Variants in FBXW11 observed in about 807,000 individuals in gnomAD.
The protein encoded by FBXW11 is F-box and WD repeat domain containing 11, also known as F-box/WD repeat-containing protein 11.
FBXW11 carries 19 observed loss-of-function variants against 77.6 expected under a neutral mutation model. That is an observed-to-expected ratio of 0.24 (90% CI 0.17 to 0.36). The LOEUF is 0.36. FBXW11 is among the 10% of genes least tolerant of loss of function. The pLI is 1.00. For missense variants in FBXW11, 334 were observed against 704.2 expected, an observed-to-expected ratio of 0.47 and a Z score of 5.95; for synonymous variants, 235 against 249.4, an observed-to-expected ratio of 0.94 and a Z score of 0.54.
At chr5:171,933,980 G>T (rs752015642) in intron 2 of FBXW11, among the ~76,000 whole-genome samples, 1 of 152,230 alleles carries the variant, frequency 6.6e-6, no homozygotes, top group African/African-American at 2.4e-5. Context: ...CTTAACTAAG[G>T]TTCTGTGAGA....
chr5:171,979,741 G>T (rs1042227900), intron 1 of FBXW11, among the ~76,000 whole-genome samples: 2 of 152,132 alleles, frequency 1.3e-5, no homozygotes, highest in Non-Finnish European at 2.9e-5. Flanking sequence ...AATGGCACTT[G>T]AACATAAATT....
At chr5:171,987,808 C>A (rs1483566641) in intron 1 of FBXW11, among the ~76,000 whole-genome samples, 1 of 152,092 alleles carries the variant, frequency 6.6e-6, no homozygotes, top group Non-Finnish European at 1.5e-5. Flanking sequence ...CTAACTCCTA[C>A]AACACTGTTT....
rs1172545281 is a variant in FBXW11, at chr5:171,913,822, C to CACACACACACACACAT, written c.210+520_210+521insATGTGTGTGTGTGTGT. Reference sequence around the variant, plus strand: ...AAACCCCCAACCACACACACATACACACACACACACACACACACACACACA... The same window carrying CACACACACACACACAT: ...AAACCCCCAACCACACACACATACACACACACACACACACATACACACACACACACACACACACACA... On this transcript the variant is annotated intron_variant, in intron 3 of 13. Transcript: ENST00000517395. Among the ~76,000 whole-genome samples the CACACACACACACACAT allele has an allele frequency of 1.0e-3, 97 of 93,696 alleles. 5 individuals carry two copies. Among genetic ancestry groups the CACACACACACACACAT allele is most frequent in the East Asian group, 6.6e-3 (23 of 3,496 alleles). The allele number at this position is 93,696 out of a possible 152,430, so 61.5% of individuals were successfully genotyped here. A position where few individuals can be genotyped will look rare whatever the true frequency, so the allele number is the denominator to read the frequency against.
chr5:171,871,651 A>G (rs1757759957), intron 10 of FBXW11, among the ~76,000 whole-genome samples: 1 of 152,226 alleles, frequency 6.6e-6, no homozygotes, highest in African/African-American at 2.4e-5. Flanking sequence ...CAGTATTTGT[A>G]GAAAAAAATC....
At chr5:171,961,892 C>G (rs555749733) in intron 1 of FBXW11, among the ~76,000 whole-genome samples, 1 of 152,356 alleles carries the variant, frequency 6.6e-6, no homozygotes, top group East Asian at 1.9e-4. Context: ...GGTGATCTGC[C>G]TGCCTTGGCC....
chr5:171,909,464 T>C (rs1315940277), intron 4 of FBXW11, among the ~76,000 whole-genome samples: 3 of 152,182 alleles, frequency 2.0e-5, no homozygotes, highest in Non-Finnish European at 4.4e-5. Context: ...TAAACCCTAA[T>C]GTAACCTATG....
intron 3 of FBXW11, among the ~76,000 whole-genome samples, chr5:171,913,807 C>CCA (rs773692324): frequency 2.0e-5 from 2 of 97,856 alleles, no homozygotes; most frequent in Non-Finnish European, 4.4e-5. Flanking sequence ...AAACCCCCAA[C>CCA]CACACACACA....
intron 1 of FBXW11, among the ~76,000 whole-genome samples, chr5:171,964,981 T>C (rs1487125284): frequency 6.6e-6 from 1 of 152,104 alleles, no homozygotes; most frequent in Admixed American, 6.5e-5. Context: ...ACAGGGTATA[T>C]TCAGGCTGGG....
intron 6 of FBXW11, among the ~76,000 whole-genome samples, chr5:171,893,674 A>G (rs888889448): frequency 6.6e-6 from 1 of 152,134 alleles, no homozygotes; most frequent in Non-Finnish European, 1.5e-5. Flanking sequence ...TAACAAGTCT[A>G]ATTTGTGGCC....
At chr5:171,976,137 T>C (rs890492564) in intron 1 of FBXW11, among the ~76,000 whole-genome samples, 3 of 152,048 alleles carry the variant, frequency 2.0e-5, no homozygotes, top group South Asian at 2.1e-4. Context: ...AAAATGATAG[T>C]TGAAGTAACA....
chr5:171,967,873 TATATATATATACACAC>T (rs1180324936), intron 1 of FBXW11, among the ~76,000 whole-genome samples: 33 of 50,498 alleles, frequency 6.5e-4, no homozygotes, highest in African/African-American at 1.7e-3. Context: ...TATATATATA[TATATATATATACACAC>T]ACACACACAC....
At chr5:171,979,383 AGGG>A (rs1179729937) in intron 1 of FBXW11, among the ~76,000 whole-genome samples, 2 of 152,196 alleles carry the variant, frequency 1.3e-5, no homozygotes, top group African/African-American at 4.8e-5. Context: ...AGATGAAGGA[AGGG>A]AAGAATACAT....
intron 2 of FBXW11, among the ~76,000 whole-genome samples, chr5:171,931,292 C>CA (rs1218150550): frequency 2.0e-4 from 31 of 152,298 alleles, no homozygotes; most frequent in Admixed American, 1.6e-3. Context: ...AAAGGCACTA[C>CA]AAAACTACAG....
intron 2 of FBXW11, among the ~76,000 whole-genome samples, chr5:171,932,650 C>T (rs567186761): frequency 6.6e-6 from 1 of 152,126 alleles, no homozygotes; most frequent in Non-Finnish European, 1.5e-5. Flanking sequence ...CAGTTTCTTA[C>T]AAAACTATAT....
rs2113717516 is a variant in FBXW11 at position 171,862,046 on chromosome 5, G to A, written c.*2081C>T. On this transcript the variant is annotated 3_prime_UTR_variant, in exon 14 of 14. Transcript: ENST00000517395. ...ATATTCAAAGGCCATCATCTCCCAA[G>A]GAACGAGGGGAACTTCTATATTAAA... 1 of 152,638 alleles carries A rather than the reference G, an allele frequency of 6.6e-6. No individual in the cohort carries two copies. The highest frequency in any genetic ancestry group is 1.5e-5 in the Non-Finnish European group (1 of 68,014). 9.5% of individuals were successfully genotyped at this position (152,638 alleles called of 1,614,324 possible).
At chr5:171,883,998 C>T (rs527368134) in intron 7 of FBXW11, among the ~76,000 whole-genome samples, 15 of 152,276 alleles carry the variant, frequency 9.9e-5, no homozygotes, top group African/African-American at 2.9e-4. Context: ...GGGCTGTTTA[C>T]TCTGCTAACT....
At chr5:171,960,277 G>A (rs543512848) in intron 1 of FBXW11, among the ~76,000 whole-genome samples, 1 of 152,268 alleles carries the variant, frequency 6.6e-6, no homozygotes, top group South Asian at 2.1e-4. Context: ...CGGAAGGCTG[G>A]GGTGGGAGGA....
At position 171,912,331 on chromosome 5, in the gene FBXW11, G is replaced by A. The variant is rs188495946; in HGVS notation, c.211-1534C>T. ...GCTCACTGACACCAGGTACCACCAGGGGGAAGCATTGAACAAGGATTTTGA... is the reference window on the plus strand; with the variant it reads ...GCTCACTGACACCAGGTACCACCAGAGGGAAGCATTGAACAAGGATTTTGA... On this transcript the variant is annotated intron_variant, in intron 3 of 13. Coordinates refer to ENST00000517395, the MANE Select transcript of FBXW11 (RefSeq NM_001378974.1). Among the ~76,000 whole-genome samples, 536 of 152,202 alleles carry A rather than the reference G, an allele frequency of 3.5e-3. 3 individuals are homozygous for A. The highest frequency in any genetic ancestry group is 5.6e-3 in the Non-Finnish European group (384 of 68,018).
intron 1 of FBXW11, among the ~76,000 whole-genome samples, chr5:171,967,712 G>T (rs1025124251): frequency 2.0e-5 from 3 of 151,684 alleles, no homozygotes; most frequent in Admixed American, 6.6e-5. Context: ...AGTGGGGTAC[G>T]CCTGAAGTCC....
Sources: gnomAD v4.1 joint callset for allele counts (sites outside exome capture counted in the v4.1 genomes callset) on GRCh38, gnomAD v4.1.1 for gene constraint, MANE v1.5 for transcripts, NCBI Gene and HGNC (gene_info 2026-07-23, HGNC 2026-07-21) for gene names.